The following SNRPN variants were observed in gnomAD, a reference collection of about 807,000 sequenced individuals.
SNRPN encodes small nuclear ribonucleoprotein polypeptide N.
A neutral mutation model predicts 25.2 loss-of-function variants in SNRPN; 7 were observed. The ratio of observed to expected loss-of-function variants is 0.28; its 90% CI spans 0.16 to 0.52. SNRPN has a LOEUF of 0.52. Ranked by LOEUF, SNRPN falls within the 20% of genes least tolerant of loss-of-function variation. The probability of loss-of-function intolerance (pLI) is 0.96; values close to 1 mark genes in which losing one functional copy is unlikely to be tolerated. For missense variants in SNRPN, 196 were observed against 322.5 expected, an observed-to-expected ratio of 0.61 and a Z score of 3.00; for synonymous variants, 124 against 110.6, an observed-to-expected ratio of 1.12 and a Z score of -0.76.
intron 2 of SNRPN, among the ~76,000 whole-genome samples, chr15:24,919,445 A>AAT (rs1555396337): frequency 5.9e-5 from 9 of 151,444 alleles, no homozygotes; most frequent in South Asian, 4.2e-4. Flanking sequence ...AAAAAAAAAA[A>AAT]ATATTCAATT....
intron 2 of SNRPN, among the ~76,000 whole-genome samples, chr15:24,836,692 C>T (rs1169514918): frequency 6.6e-6 from 1 of 152,054 alleles, no homozygotes; most frequent in African/African-American, 2.4e-5. Flanking sequence ...GGATTATAGG[C>T]GTGATCCACC....
intron 2 of SNRPN, among the ~76,000 whole-genome samples, chr15:24,963,765 G>A (rs1001153052): frequency 2.0e-5 from 3 of 152,104 alleles, no homozygotes; most frequent in South Asian, 2.1e-4. Flanking sequence ...TGAGCTGGAT[G>A]TGGTGGCTCA....
chr15:24,839,191 G>A (rs574216921), intron 2 of SNRPN, among the ~76,000 whole-genome samples: 3 of 151,892 alleles, frequency 2.0e-5, no homozygotes, highest in East Asian at 3.9e-4. Context: ...CCTTCTTGAT[G>A]TCCTATCTTC....
chr15:24,887,162 T>A (rs1468911457), intron 2 of SNRPN, among the ~76,000 whole-genome samples: 1 of 151,002 alleles, frequency 6.6e-6, no homozygotes, highest in Non-Finnish European at 1.5e-5. Context: ...TTTTTTTTTT[T>A]TTTGAGACGG....
intron 1 of SNRPN, among the ~76,000 whole-genome samples, chr15:24,871,292 GT>G (rs2055098843): frequency 6.6e-6 from 1 of 151,984 alleles, no homozygotes; most frequent in African/African-American, 2.4e-5. Flanking sequence ...CATGCAGGAA[GT>G]TTTTATTACC....
chr15:24,918,098 A>T (rs1421789868), intron 2 of SNRPN, among the ~76,000 whole-genome samples: 1 of 151,864 alleles, frequency 6.6e-6, no homozygotes, highest in East Asian at 1.9e-4. Flanking sequence ...ATTTATTTTA[A>T]TGAGACTCCT....
At chr15:24,953,899 A>G (rs537187583), upstream of SNRPN, among the ~76,000 whole-genome samples, 176 of 152,326 alleles carry the variant, frequency 1.2e-3, 2 homozygotes, top group African/African-American at 4.1e-3. Context: ...GTCAGCATTG[A>G]TAAGCCTCTG....
chr15:24,948,223 C>T (rs2062005977), intron 3 of SNRPN, among the ~76,000 whole-genome samples: 1 of 152,114 alleles, frequency 6.6e-6, no homozygotes, highest in Non-Finnish European at 1.5e-5. Context: ...GAGTGATTCT[C>T]CTGCCTCAGC....
At chr15:24,864,535 G>A (rs1355725376) in intron 1 of SNRPN, among the ~76,000 whole-genome samples, 2 of 151,660 alleles carry the variant, frequency 1.3e-5, no homozygotes, top group African/African-American at 2.4e-5. Flanking sequence ...GTAGAAACGG[G>A]GTTTCGCCAT....
chr15:24,857,876 T>A (rs1208073874), intron 1 of SNRPN, among the ~76,000 whole-genome samples: 1 of 152,030 alleles, frequency 6.6e-6, no homozygotes, highest in Non-Finnish European at 1.5e-5. Context: ...CTAAGAATAA[T>A]TTGGTGGGTA....
chr15:24,973,156 T>G (rs1267347151), intron 3 of SNRPN, among the ~76,000 whole-genome samples: 1 of 152,126 alleles, frequency 6.6e-6, no homozygotes, highest in Non-Finnish European at 1.5e-5. Flanking sequence ...CCCAAAGTGT[T>G]GGGATTATGG....
intron 2 of SNRPN, among the ~76,000 whole-genome samples, chr15:24,890,176 C>G (rs1176666554): frequency 6.6e-6 from 1 of 151,950 alleles, no homozygotes; most frequent in South Asian, 2.1e-4. Flanking sequence ...CACTTTTCTC[C>G]CCTGAAGCAG....
chr15:24,857,516 A>G (rs966128097), intron 1 of SNRPN, among the ~76,000 whole-genome samples: 2 of 152,114 alleles, frequency 1.3e-5, no homozygotes, highest in Non-Finnish European at 2.9e-5. Context: ...TAATAAGGAA[A>G]TTACAGTCCT....
At chr15:24,869,100 A>G (rs1566846010) in intron 1 of SNRPN, among the ~76,000 whole-genome samples, 1 of 152,144 alleles carries the variant, frequency 6.6e-6, no homozygotes, top group Non-Finnish European at 1.5e-5. Flanking sequence ...AGCCATGATC[A>G]CACCACAGCG....
At chr15:24,861,910 A>G (rs1053710282) in intron 1 of SNRPN, among the ~76,000 whole-genome samples, 2 of 151,658 alleles carry the variant, frequency 1.3e-5, no homozygotes, top group Non-Finnish European at 2.9e-5. Flanking sequence ...ACCAGACTTT[A>G]ATGCAGAATC....
chr15:24,961,810 G>A (rs957743961), intron 1 of SNRPN, among the ~76,000 whole-genome samples: 1 of 152,066 alleles, frequency 6.6e-6, no homozygotes, highest in South Asian at 2.1e-4. Context: ...ATCTACATCT[G>A]CATAAGTGGG....
chr15:24,896,215 C>G (rs2058071208), intron 2 of SNRPN, among the ~76,000 whole-genome samples: 1 of 152,112 alleles, frequency 6.6e-6, no homozygotes, highest in Non-Finnish European at 1.5e-5. Flanking sequence ...GTAGGTGGTG[C>G]CTGAAGCATG....
chr15:24,832,463 C>T (rs1164899256), intron 2 of SNRPN, among the ~76,000 whole-genome samples: 4 of 151,890 alleles, frequency 2.6e-5, no homozygotes, highest in Non-Finnish European at 4.4e-5. Flanking sequence ...CACTAATCAG[C>T]GCTCTGTAAA....
chr15:24,863,669 G>A lies in SNRPN; in HGVS notation c.-579+6953G>A, dbSNP rs1433970458. ...TTCCAACTTAATAACTAAATGAATTGCCCTGCTTTGTATATGTTTGCCTAA... is the reference window on the plus strand; with the variant it reads ...TTCCAACTTAATAACTAAATGAATTACCCTGCTTTGTATATGTTTGCCTAA... On this transcript the variant is annotated intron_variant, in intron 1 of 11. Coordinates refer to the SNRPN transcript ENST00000400097. Among the ~76,000 whole-genome samples the A allele has an allele frequency of 2.0e-5, 3 of 150,622 alleles. 1 individual carries two copies. Among genetic ancestry groups the A allele is most frequent in the African/African-American group, 7.5e-5 (3 of 40,144 alleles).
Sources: gnomAD v4.1 joint callset for allele counts (sites outside exome capture counted in the v4.1 genomes callset) on GRCh38, gnomAD v4.1.1 for gene constraint, MANE v1.5 for transcripts, NCBI Gene and HGNC (gene_info 2026-07-23, HGNC 2026-07-21) for gene names.